CACNA1A: variants seen among roughly 807,000 people sequenced by gnomAD.
CACNA1A encodes voltage-dependent P/Q-type calcium channel subunit alpha-1A.
In CACNA1A, 57 loss-of-function variants were observed where a neutral mutation model predicts 262.4. The observed-to-expected ratio is 0.22, with a 90% confidence interval of 0.18 to 0.27. CACNA1A has a LOEUF of 0.27. Ranked by LOEUF, CACNA1A falls within the 10% of genes least tolerant of loss-of-function variation. The pLI is 1.00. For missense variants in CACNA1A, 2,526 were observed against 3,562.8 expected (o/e 0.71, Z 7.41); for synonymous variants, 1,431 against 1,419.3 (o/e 1.01, Z -0.18).
At chr19:13,309,287 C>T (rs888710222) in intron 12 of CACNA1A, among the ~76,000 whole-genome samples, 10 of 152,136 alleles carry the variant, frequency 6.6e-5, no homozygotes, top group Non-Finnish European at 1.2e-4. Context: ...GGATTACAGG[C>T]GTGAGCCACC....
Position 13,207,309 on chromosome 19 carries a change from G to C in CACNA1A, c.*4C>G. 6.4e-7 allele frequency: 1 copy of C among 1,551,426 alleles called. No individual in the cohort carries two copies. The highest frequency in any genetic ancestry group is 1.2e-5 in the South Asian group (1 of 86,362). ...GGGCCGGGCGGGCGCCACCTCGCCC[G>C]GGCTTAGCACCAATCATCGTCACTC... On this transcript the variant is annotated 3_prime_UTR_variant, in exon 47 of 47. Coordinates refer to ENST00000360228, the MANE Select transcript of CACNA1A (RefSeq NM_001127222.2). The surrounding 1 kb of genome is among the most constrained non-coding windows in gnomAD (Gnocchi z 5.7).
intron 7 of CACNA1A, 136 bp downstream of exon 7, chr19:13,335,670 C>G (rs1473760265): frequency 5.9e-6 from 4 of 674,242 alleles, no homozygotes; most frequent in Non-Finnish European, 8.0e-6. Flanking sequence ...TTGCTAATAA[C>G]AGTCTGGTAA....
At chr19:13,344,736 TTTTATTTATTTATTTA>T (rs5827191) in intron 6 of CACNA1A, among the ~76,000 whole-genome samples, 136 of 136,298 alleles carry the variant, frequency 1.0e-3, no homozygotes, top group African/African-American at 3.6e-3. Context: ...GGATCATTTA[TTTTATTTATTTATTTA>T]TTTATTTATT....
intron 4 of CACNA1A, chr19:13,370,952 C>G (rs1248904124): frequency 6.6e-6 from 1 of 151,886 alleles, no homozygotes; most frequent in Non-Finnish European, 1.5e-5. Context: ...TTGCTTTTTA[C>G]ATTTTTTTTT....
intron 29 of CACNA1A, 94 bp from the exon 30 acceptor site, chr19:13,253,195 C>T: frequency 7.9e-6 from 6 of 760,440 alleles, no homozygotes; most frequent in Non-Finnish European, 1.3e-5. Context: ...CCAGGCAACA[C>T]TCCAGCCCCA....
At chr19:13,234,416 T>C (rs529215497) in intron 34 of CACNA1A, among the ~76,000 whole-genome samples, 3 of 150,972 alleles carry the variant, frequency 2.0e-5, no homozygotes, top group Admixed American at 1.3e-4. Context: ...GAAGGAACTT[T>C]TGTGTGCAGC....
At chr19:13,463,414 A>G (rs2061162629) in intron 1 of CACNA1A, among the ~76,000 whole-genome samples, 1 of 152,180 alleles carries the variant, frequency 6.6e-6, no homozygotes, top group Non-Finnish European at 1.5e-5. Flanking sequence ...AAGCCTGGAA[A>G]AGATCTCTCC....
intron 17 of CACNA1A, among the ~76,000 whole-genome samples, 161 bp downstream of exon 17, chr19:13,303,385 G>C (rs1465304002): frequency 2.0e-5 from 3 of 152,014 alleles, no homozygotes; most frequent in East Asian, 1.9e-4. Context: ...TCTGGGAGTG[G>C]GGGGAGAGGC....
In CACNA1A at chr19:13,207,157, TG is replaced by T. The variant is rs1339434491; in HGVS notation, c.*155del. The T allele has an allele frequency of 2.5e-6, 2 of 809,070 alleles. No individual in the cohort carries two copies. The highest frequency in any genetic ancestry group is 7.2e-5 in the East Asian group (2 of 27,908). 50.1% of individuals were successfully genotyped at this position (809,070 alleles called of 1,614,324 possible). A position where few individuals can be genotyped will look rare whatever the true frequency, so the allele number is the denominator to read the frequency against. ...GCCGAGGGTCTCTGCGGGACACCCT[TG>T]TGGCCCAGCCCTGGCCTCTCCAGAG... On this transcript the variant is annotated 3_prime_UTR_variant, in exon 47 of 47. Transcript: ENST00000360228. This position sits in a 1 kb window ranked among gnomAD's most constrained non-coding sequence, Gnocchi z 5.7.
chr19:13,382,717 C>T (rs1449904235), intron 3 of CACNA1A, among the ~76,000 whole-genome samples: 1 of 152,040 alleles, frequency 6.6e-6, no homozygotes, highest in African/African-American at 2.4e-5. Flanking sequence ...AGGAGGGAGC[C>T]GCAAGAGCAG....
chr19:13,224,031 G>A (rs2055339305), intron 38 of CACNA1A, among the ~76,000 whole-genome samples: 2 of 152,128 alleles, frequency 1.3e-5, no homozygotes. Context: ...GGTTGGGCAT[G>A]GTGGCTCACG....
intron 31 of CACNA1A, among the ~76,000 whole-genome samples, chr19:13,240,401 CTGTG>C (rs554932842): frequency 1.3e-5 from 2 of 148,516 alleles, no homozygotes; most frequent in African/African-American, 2.5e-5. Flanking sequence ...TGCATAGTGA[CTGTG>C]TGCAGTGACT....
intron 30 of CACNA1A, among the ~76,000 whole-genome samples, chr19:13,246,211 T>G (rs1344849665): frequency 1.3e-5 from 2 of 152,200 alleles, no homozygotes; most frequent in African/African-American, 4.8e-5. Flanking sequence ...TTTCCTGATC[T>G]GGAGGCGGAC....
intron 5 of CACNA1A, among the ~76,000 whole-genome samples, chr19:13,361,304 C>T (rs1158076733): frequency 1.3e-5 from 2 of 152,180 alleles, no homozygotes; most frequent in Non-Finnish European, 2.9e-5. Context: ...CCAAAGACAG[C>T]TTCCTGGGGA....
intron 40 of CACNA1A, among the ~76,000 whole-genome samples, chr19:13,213,308 C>A (rs1284489536): frequency 6.6e-6 from 1 of 152,158 alleles, no homozygotes; most frequent in African/African-American, 2.4e-5. Flanking sequence ...GCTTAGCTCA[C>A]TCCCTCTCCC....
chr19:13,456,663 G>A (rs1174824545), intron 1 of CACNA1A, among the ~76,000 whole-genome samples: 1 of 152,090 alleles, frequency 6.6e-6, no homozygotes, highest in African/African-American at 2.4e-5. Context: ...GACAGAGCGA[G>A]ACTCTGTCTC....
chr19:13,232,211 T>C (rs982362207), intron 34 of CACNA1A, among the ~76,000 whole-genome samples: 11 of 151,564 alleles, frequency 7.3e-5, no homozygotes, highest in African/African-American at 2.7e-4. Context: ...TCTCTTTTTT[T>C]TTTTTGACAG....
At chr19:13,349,906 C>CA (rs2058875596) in intron 6 of CACNA1A, among the ~76,000 whole-genome samples, 2 of 152,098 alleles carry the variant, frequency 1.3e-5, no homozygotes, top group Admixed American at 6.5e-5. Context: ...ACAAGGCTAC[C>CA]CAGAGCCTTC....
At chr19:13,230,891 G>C (rs1185065128) in intron 35 of CACNA1A, among the ~76,000 whole-genome samples, 4 of 151,826 alleles carry the variant, frequency 2.6e-5, no homozygotes, top group Admixed American at 6.6e-5. Flanking sequence ...GGAGGCTTCT[G>C]AAACAGGGAC....
Sources: allele counts gnomAD v4.1 joint callset (sites outside exome capture counted in the v4.1 genomes callset), GRCh38; gene constraint gnomAD v4.1.1; non-coding constraint Gnocchi (gnomAD v3.1); transcripts MANE v1.5; gene names NCBI Gene and HGNC (gene_info 2026-07-23, HGNC 2026-07-21).